Variants in RBFOX1 observed in about 807,000 individuals in gnomAD.
RBFOX1 encodes the protein RNA binding fox-1 homolog 1.
Under a neutral mutation model 57.7 loss-of-function variants are expected in RBFOX1, and 8 were observed. The observed-to-expected ratio is 0.14, with a 90% CI of 0.08 to 0.25. RBFOX1 has a LOEUF of 0.25. RBFOX1 is among the 10% of genes least tolerant of loss of function. The pLI, the probability that RBFOX1 is intolerant of heterozygous loss-of-function variation, is 1.00. For synonymous variants in RBFOX1, 326 were observed against 222.4 expected, an observed-to-expected ratio of 1.47 and a Z score of -4.15; for missense variants, 611 against 548.5, an observed-to-expected ratio of 1.11 and a Z score of -1.14.
chr16:6,969,388 T>C (rs939823445), intron 3 of RBFOX1, among the ~76,000 whole-genome samples: 14 of 151,870 alleles, frequency 9.2e-5, no homozygotes, highest in Non-Finnish European at 1.9e-4. Flanking sequence ...TTGGATATTT[T>C]GTTCATGATG....
chr16:7,384,069 G>T (rs1040989212), intron 4 of RBFOX1, among the ~76,000 whole-genome samples: 1 of 146,774 alleles, frequency 6.8e-6, no homozygotes, highest in Non-Finnish European at 1.5e-5. Flanking sequence ...AAAAAAAAAA[G>T]TATCCCAAGT....
At chr16:6,145,337 C>G (rs1032631077) in intron 1 of RBFOX1, among the ~76,000 whole-genome samples, 9 of 152,086 alleles carry the variant, frequency 5.9e-5, no homozygotes, top group Admixed American at 2.6e-4. Context: ...GCCTCCAACT[C>G]CATCCATGTC....
At chr16:7,605,981 T>C (rs2095269477) in intron 9 of RBFOX1, among the ~76,000 whole-genome samples, 1 of 152,040 alleles carries the variant, frequency 6.6e-6, no homozygotes, top group South Asian at 2.1e-4. Context: ...TACTACTTTG[T>C]ATTTTTAGTA....
intron 14 of RBFOX1, among the ~76,000 whole-genome samples, chr16:7,679,831 G>T (rs942482800): frequency 6.6e-6 from 1 of 152,020 alleles, no homozygotes; most frequent in Non-Finnish European, 1.5e-5. Flanking sequence ...GGTGTGGGCA[G>T]AGATTTCCCC....
At chr16:6,862,830 C>G (rs894912065) in intron 3 of RBFOX1, among the ~76,000 whole-genome samples, 1 of 151,890 alleles carries the variant, frequency 6.6e-6, no homozygotes, top group South Asian at 2.1e-4. Flanking sequence ...ACTAAAAATA[C>G]AAAAATTAGC....
chr16:6,582,273 C>T (rs577808126), intron 2 of RBFOX1, among the ~76,000 whole-genome samples: 1 of 152,140 alleles, frequency 6.6e-6, no homozygotes, highest in Non-Finnish European at 1.5e-5. Flanking sequence ...GCTATTATTT[C>T]TCAGTAATCA....
At chr16:7,678,720 A>G (rs2074015897) in intron 14 of RBFOX1, among the ~76,000 whole-genome samples, 1 of 152,204 alleles carries the variant, frequency 6.6e-6, no homozygotes, top group Non-Finnish European at 1.5e-5. Context: ...TATTAGAATT[A>G]CCTGAGATTC....
At chr16:5,240,008 G>C (rs780807402) in exon 1 of RBFOX1, 34 of 1,531,134 alleles carry the variant, frequency 2.2e-5, no homozygotes, top group East Asian at 1.2e-4. Flanking sequence ...GGGCTGGAGG[G>C]GGGAAGCGCA....
chr16:5,872,290 G>A (rs906872504), intron 4 of RBFOX1, among the ~76,000 whole-genome samples: 1 of 152,208 alleles, frequency 6.6e-6, no homozygotes, highest in Admixed American at 6.5e-5. Context: ...TTGGAGTCTT[G>A]TAGATGAGGT....
intron 4 of RBFOX1, among the ~76,000 whole-genome samples, chr16:7,165,967 T>C (rs9937235): frequency 0.022 from 1,061 of 48,122 alleles, 6 homozygotes; most frequent in Non-Finnish European, 0.047. Context: ...CACACACACA[T>C]ACATACATAC....
intron 3 of RBFOX1, among the ~76,000 whole-genome samples, chr16:6,659,690 C>A (rs2098689021): frequency 6.6e-6 from 1 of 152,116 alleles, no homozygotes; most frequent in South Asian, 2.1e-4. Flanking sequence ...ATGGGGCAGG[C>A]TTTCAGCTCC....
intron 2 of RBFOX1, among the ~76,000 whole-genome samples, chr16:5,587,052 G>C (rs1012788760): frequency 6.6e-6 from 1 of 152,158 alleles, no homozygotes; most frequent in Non-Finnish European, 1.5e-5. Context: ...AGCCCCAGAG[G>C]GAGCCAGGGC....
At chr16:6,779,227 C>G (rs28723073) in intron 3 of RBFOX1, among the ~76,000 whole-genome samples, 1,773 of 152,048 alleles carry the variant, frequency 0.012, 41 homozygotes, top group African/African-American at 0.041. Context: ...TCCATGAGAT[C>G]AATTTTTTTA....
At chr16:6,410,377 A>G in intron 2 of RBFOX1, among the ~76,000 whole-genome samples, 1 of 147,374 alleles carries the variant, frequency 6.8e-6, no homozygotes. Context: ...AGTGGCGCGA[A>G]CTTGACTCAC....
At chr16:5,683,964 C>A (rs1738498261) in intron 3 of RBFOX1, among the ~76,000 whole-genome samples, 1 of 151,900 alleles carries the variant, frequency 6.6e-6, no homozygotes, top group Admixed American at 6.6e-5. Flanking sequence ...CCAAGGTATT[C>A]TCTGATGGTC....
intron 3 of RBFOX1, among the ~76,000 whole-genome samples, chr16:6,851,254 C>T (rs534437385): frequency 7.9e-5 from 12 of 152,188 alleles, no homozygotes; most frequent in South Asian, 2.1e-4. Context: ...AGAATCAATG[C>T]GTGGTTGCCG....
At chr16:6,982,196 C>A (rs1463133652) in intron 3 of RBFOX1, among the ~76,000 whole-genome samples, 2 of 152,114 alleles carry the variant, frequency 1.3e-5, no homozygotes, top group Non-Finnish European at 2.9e-5. Flanking sequence ...TTTGAGAAAC[C>A]TGAGAATGGT....
At chr16:6,824,143 G>A (rs12597944) in intron 3 of RBFOX1, among the ~76,000 whole-genome samples, 11,649 of 152,186 alleles carry the variant, frequency 0.077, 854 homozygotes, top group African/African-American at 0.16. Flanking sequence ...TGTTGCTGGC[G>A]CCTGTAATCC....
At chr16:6,656,208 G>A (rs963424677) in intron 3 of RBFOX1, among the ~76,000 whole-genome samples, 3 of 152,208 alleles carry the variant, frequency 2.0e-5, no homozygotes. Flanking sequence ...GCTCATGTCA[G>A]AGTGTTTAGA....
Sources: gnomAD v4.1 joint callset for allele counts (sites outside exome capture counted in the v4.1 genomes callset) on GRCh38, gnomAD v4.1.1 for gene constraint, MANE v1.5 for transcripts, NCBI Gene and HGNC (gene_info 2026-07-23, HGNC 2026-07-21) for gene names.